The following DCBLD1 variants were observed in gnomAD, a reference collection of about 807,000 sequenced individuals.
The protein encoded by DCBLD1 is discoidin, CUB and LCCL domain-containing protein 1.
DCBLD1 carries 57 observed loss-of-function variants against 71.5 expected under a neutral mutation model. The observed-to-expected ratio is 0.80, with a 90% CI of 0.64 to 0.99. The LOEUF (loss-of-function observed/expected upper bound fraction) is 0.99, where lower values mean the gene tolerates loss of function less well. Among genes scored for constraint, DCBLD1 ranks in the 50% least tolerant of loss-of-function variants. DCBLD1 has a pLI of 0.00. For missense variants in DCBLD1, 891 were observed against 923.5 expected (o/e 0.96, Z 0.46); for synonymous variants, 380 against 363.8 (o/e 1.04, Z -0.51).
At chr6:117,528,056 T>C (rs992682528) in intron 5 of DCBLD1, among the ~76,000 whole-genome samples, 2 of 152,192 alleles carry the variant, frequency 1.3e-5, no homozygotes, top group African/African-American at 4.8e-5. Flanking sequence ...CCCCAAAATG[T>C]TCAAGAAGTA....
chr6:117,566,309 C>A (rs552799781), intron 14 of DCBLD1, among the ~76,000 whole-genome samples: 1 of 152,278 alleles, frequency 6.6e-6, no homozygotes, highest in South Asian at 2.1e-4. Context: ...CAGAGATCCA[C>A]AGATCACAAT....
Position 117,549,292 on chromosome 6 carries a change from G to C in DCBLD1, c.*853G>C, listed in dbSNP as rs1027077670. The C allele has an allele frequency of 1.0e-6, 1 of 985,258 alleles. No homozygotes were observed. Among genetic ancestry groups the C allele is most frequent in the Admixed American group, 6.1e-5 (1 of 16,272 alleles). The allele number at this position is 985,258 out of a possible 1,614,324, so 61.0% of individuals were successfully genotyped here. A position where few individuals can be genotyped will look rare whatever the true frequency, so the allele number is the denominator to read the frequency against. On this transcript the variant is annotated 3_prime_UTR_variant, in exon 15 of 15. Transcript: ENST00000338728. ...CTTTCTTCAGAAGTAGCACATTTTCGTGACTTCCGCTGTCCTCTGAAAAAC... is the reference window on the plus strand; with the variant it reads ...CTTTCTTCAGAAGTAGCACATTTTCCTGACTTCCGCTGTCCTCTGAAAAAC...
intron 2 of DCBLD1, among the ~76,000 whole-genome samples, chr6:117,507,031 T>C (rs1218664307): frequency 6.6e-6 from 1 of 152,246 alleles, no homozygotes; most frequent in Non-Finnish European, 1.5e-5. Context: ...AACTTAAAAC[T>C]ATCAGAATTT....
intron 2 of DCBLD1, among the ~76,000 whole-genome samples, chr6:117,516,290 G>A (rs1478511550): frequency 6.6e-6 from 1 of 151,320 alleles, no homozygotes; most frequent in Admixed American, 6.6e-5. Flanking sequence ...GAACCCAGGA[G>A]ATGGAGCTTG....
chr6:117,544,235 G>A (rs759593384), intron 12 of DCBLD1: 1 of 278,404 alleles, frequency 3.6e-6, no homozygotes, highest in Non-Finnish European at 6.6e-6. Context: ...ATTGCTTCAG[G>A]ATGACTGCAT....
In DCBLD1 at chr6:117,549,710, T is replaced by C. The variant is rs1779393036; in HGVS notation, c.*1271T>C. Reference sequence around the variant, plus strand: ...TGGAAGGTCATGGCAGACTAGCTGCTGGTTAGTGTGGAGGGGAAATGGTTT... The same window carrying C: ...TGGAAGGTCATGGCAGACTAGCTGCCGGTTAGTGTGGAGGGGAAATGGTTT... On this transcript the variant is annotated 3_prime_UTR_variant, in exon 15 of 15. Coordinates refer to ENST00000338728, the MANE Select transcript of DCBLD1 (RefSeq NM_001366458.2). 1.0e-6 allele frequency: 1 copy of C among 985,336 alleles called. No individual in the cohort carries two copies. Among genetic ancestry groups the C allele is most frequent in the East Asian group, 1.1e-4 (1 of 8,830 alleles). The allele number at this position is 985,336 out of a possible 1,614,324, so 61.0% of individuals were successfully genotyped here.
chr6:117,547,660 G>T, intron 14 of DCBLD1: 1 of 763,724 alleles, frequency 1.3e-6, no homozygotes, highest in Admixed American at 2.0e-5. Flanking sequence ...CATGCCCCAG[G>T]ACGTCGTCGT....
rs763851899 is a variant in DCBLD1, at chr6:117,503,864, G to A, written c.210G>A (p.Lys70=). Residue 70 remains lysine, a synonymous_variant, in exon 2 of 15, where the codon AAG becomes AAA. Transcript: ENST00000338728. ...ACCCCAATCACACTGTTTGCGAAAAGACAATTACAGTACCAAAGGGGAAAA... is the reference window on the plus strand; with the variant it reads ...ACCCCAATCACACTGTTTGCGAAAAAACAATTACAGTACCAAAGGGGAAAA... ...GTYPNHTVCE[K]TITVPKGKRL... 6 of 1,613,996 alleles carry A rather than the reference G, an allele frequency of 3.7e-6. No homozygotes were observed. The highest frequency in any genetic ancestry group is 5.1e-6 in the Non-Finnish European group (6 of 1,180,018).
chr6:117,524,365 C>G (rs1035034924), intron 4 of DCBLD1, among the ~76,000 whole-genome samples: 1 of 151,960 alleles, frequency 6.6e-6, no homozygotes, highest in Non-Finnish European at 1.5e-5. Context: ...CCACACCGGG[C>G]TAATTTTTTT....
Position 117,540,662 on chromosome 6 carries a change from C to T in DCBLD1, c.1102-6C>T. 1 of 1,614,146 alleles carries T rather than the reference C, an allele frequency of 6.2e-7. No individual in the cohort carries two copies. The highest frequency in any genetic ancestry group is 2.2e-5 in the East Asian group (1 of 44,884). ...ATCTTAAGGTAAACATAATTTCCTT[C>T]TATAGGTGTTTCAGGGTAACTCTAA... On this transcript the variant is annotated splice_region_variant and splice_polypyrimidine_tract_variant and intron_variant, in intron 9 of 14. Transcript: ENST00000338728.
At chr6:117,513,324 A>G (rs910473914) in intron 2 of DCBLD1, among the ~76,000 whole-genome samples, 1 of 152,144 alleles carries the variant, frequency 6.6e-6, no homozygotes, top group African/African-American at 2.4e-5. Context: ...ACTGTGCTCA[A>G]AGAAGGCAAC....
At chr6:117,482,945 C>T in intron 1 of DCBLD1, 52 bp downstream of exon 1, 2 of 1,139,692 alleles carry the variant, frequency 1.8e-6, no homozygotes, top group Non-Finnish European at 2.1e-6. Context: ...CAGGGGCGGG[C>T]TGAGGGCTGC....
In DCBLD1 at chr6:117,549,311, G is replaced by A. The variant is rs957523987; in HGVS notation, c.*872G>A. ...ATTTTCGTGACTTCCGCTGTCCTCT[G>A]AAAAACAAAGTTATTTGGAACATGT... is the stretch of plus-strand genomic sequence containing the variant. On this transcript the variant is annotated 3_prime_UTR_variant, in exon 15 of 15. Transcript: ENST00000338728. 3 of 985,234 alleles carry A rather than the reference G, an allele frequency of 3.0e-6. No individual in the cohort carries two copies. Among genetic ancestry groups the A allele is most frequent in the Middle Eastern group, 5.2e-4 (1 of 1,936 alleles). 61.0% of individuals were successfully genotyped at this position (985,234 alleles called of 1,614,324 possible). A position where few individuals can be genotyped will look rare whatever the true frequency, so the allele number is the denominator to read the frequency against.
At chr6:117,524,691 AAAAG>A (rs982362209) in intron 4 of DCBLD1, among the ~76,000 whole-genome samples, 56 of 152,334 alleles carry the variant, frequency 3.7e-4, no homozygotes, top group African/African-American at 1.3e-3. Flanking sequence ...TTAAATCAAA[AAAAG>A]AGAAAATATC....
chr6:117,518,966 GCTGA>G (rs1306050084), intron 2 of DCBLD1, among the ~76,000 whole-genome samples: 3 of 152,020 alleles, frequency 2.0e-5, no homozygotes, highest in Admixed American at 1.3e-4. Context: ...TGTTGTTGCC[GCTGA>G]CTATTTCCAT....
chr6:117,504,738 A>G (rs1218433203), intron 2 of DCBLD1, among the ~76,000 whole-genome samples: 2 of 152,246 alleles, frequency 1.3e-5, no homozygotes, highest in Non-Finnish European at 2.9e-5. Context: ...CACAGTAACA[A>G]TGACCCTTTG....
At chr6:117,559,719 GGTTA>G (rs1456578683) in intron 14 of DCBLD1, among the ~76,000 whole-genome samples, 6 of 152,096 alleles carry the variant, frequency 3.9e-5, no homozygotes, top group African/African-American at 1.4e-4. Context: ...GTTTCTTTAA[GGTTA>G]GTTATAAAAC....
chr6:117,563,321 G>A, intron 14 of DCBLD1: 4 of 1,613,120 alleles, frequency 2.5e-6, no homozygotes, highest in Non-Finnish European at 3.4e-6. Flanking sequence ...ATCTAGCGGA[G>A]TTTCACTTGC....
chr6:117,541,175 G>A (rs2114554177), intron 11 of DCBLD1, 150 bp downstream of exon 11: 1 of 675,244 alleles, frequency 1.5e-6, no homozygotes, highest in Non-Finnish European at 2.5e-6. Context: ...AATGATGTAT[G>A]TTTACAGCTT....
Sources: gnomAD v4.1 joint callset for allele counts (sites outside exome capture counted in the v4.1 genomes callset) on GRCh38, gnomAD v4.1.1 for gene constraint, MANE v1.5 for transcripts, NCBI Gene and HGNC (gene_info 2026-07-23, HGNC 2026-07-21) for gene names.